The following KCNG2 variants were observed in gnomAD, a reference collection of about 807,000 sequenced individuals.
KCNG2 encodes the protein voltage-gated potassium channel regulatory subunit KCNG2.
In KCNG2, 7 loss-of-function variants were observed where a neutral mutation model predicts 12.3. That is an observed-to-expected ratio of 0.57 (90% CI 0.32 to 1.07). KCNG2 has a LOEUF of 1.07. Ranked by LOEUF, KCNG2 falls within the 50% of genes least tolerant of loss-of-function variation. The pLI is 0.04. For synonymous variants in KCNG2, 414 were observed against 351.4 expected (o/e 1.18, Z -1.99); for missense variants, 703 against 726.0 (o/e 0.97, Z 0.36).
In KCNG2 at chr18:79,872,280, G is replaced by GTTTTTTTTTTT. The variant is rs1162742507; in HGVS notation, c.624+8002_624+8012dup. 1.1e-3 allele frequency among the ~76,000 whole-genome samples: 82 copies of GTTTTTTTTTTT among 73,414 alleles called. 4 individuals carry two copies. The highest frequency in any genetic ancestry group is 1.2e-3 in the Non-Finnish European group (51 of 42,362). The allele number at this position is 73,414 out of a possible 152,430, so 48.2% of individuals were successfully genotyped here. On this transcript the variant is annotated intron_variant, in intron 3 of 3. Transcript: ENST00000316249. ...CTGATATAAAAGCTTCAAAGCTTCA[G>GTTTTTTTTTTT]TTTTTTTTTTTTTTTTTTTTTTTGA...
rs528471563 is a variant in KCNG2, at chr18:79,832,404, T to C, written c.-114-23975T>C. Among the ~76,000 whole-genome samples, 229 of 148,712 alleles carry C rather than the reference T, an allele frequency of 1.5e-3. 1 individual carries two copies. The highest frequency in any genetic ancestry group is 1.6e-3 in the Non-Finnish European group (105 of 67,176). Reference sequence around the variant, plus strand: ...ACCTGCCCATCCTCACCTGCTCTCATCTGTCCATCCTCACCTGCTCTCACC... The same window carrying C: ...ACCTGCCCATCCTCACCTGCTCTCACCTGTCCATCCTCACCTGCTCTCACC... On this transcript the variant is annotated intron_variant, in intron 1 of 3. Coordinates refer to ENST00000316249, the MANE Select transcript of KCNG2 (RefSeq NM_012283.2).
chr18:79,829,190 GTC>G (rs750282494), intron 1 of KCNG2, among the ~76,000 whole-genome samples: 4 of 151,142 alleles, frequency 2.6e-5, no homozygotes, highest in Non-Finnish European at 4.4e-5. Flanking sequence ...GTGTGCATGT[GTC>G]TGTGTGTGGG....
At chr18:79,871,820 G>T (rs981737202) in intron 3 of KCNG2, among the ~76,000 whole-genome samples, 6 of 152,268 alleles carry the variant, frequency 3.9e-5, no homozygotes, top group Non-Finnish European at 8.8e-5. Flanking sequence ...GAGCAAAGCT[G>T]CGGCTGCTCT....
intron 3 of KCNG2, among the ~76,000 whole-genome samples, chr18:79,877,594 G>A (rs913527579): frequency 2.0e-5 from 3 of 151,216 alleles, no homozygotes; most frequent in Admixed American, 1.3e-4. Context: ...CGAGAGTCAC[G>A]GCACTCAGAA....
At chr18:79,847,426 G>A (rs142093408) in intron 1 of KCNG2, among the ~76,000 whole-genome samples, 14 of 152,328 alleles carry the variant, frequency 9.2e-5, no homozygotes, top group African/African-American at 2.6e-4. Context: ...ACTGAGGGTC[G>A]CAGTGGATCC....
At chr18:79,836,671 GC>G (rs955772803) in intron 1 of KCNG2, among the ~76,000 whole-genome samples, 2 of 152,172 alleles carry the variant, frequency 1.3e-5, no homozygotes, top group African/African-American at 4.8e-5. Flanking sequence ...TAAAGGAGAA[GC>G]AAGACCTTCT....
intron 3 of KCNG2, 21 bp from the exon 4 acceptor site, chr18:79,899,019 C>T (rs1303806513): frequency 1.3e-6 from 2 of 1,516,182 alleles, no homozygotes; most frequent in Non-Finnish European, 1.8e-6. Context: ...GCCCCCAACC[C>T]CGTGTCCCCT....
Position 79,899,704 on chromosome 18 carries a change from A to G in KCNG2, c.1289A>G (p.Gln430Arg). The G allele has an allele frequency of 6.2e-7, 1 of 1,606,932 alleles. No individual in the cohort carries two copies. Among genetic ancestry groups the G allele is most frequent in the Non-Finnish European group, 8.5e-7 (1 of 1,177,988 alleles). The change falls in exon 4 of 4, where the codon CAG (glutamine) becomes CGG (arginine). Residue 430 changes from glutamine (Q) to arginine (R), a missense_variant. Coordinates refer to ENST00000316249, the MANE Select transcript of KCNG2 (RefSeq NM_012283.2). ...GCGGCCAGCCCCGAGCCGGCCCTGC[A>G]GGAGGACAGCACGCACTCGGCCACA... ...QRAASPEPALQEDSTHSATAT... is the reference protein window; with the variant it reads ...QRAASPEPALREDSTHSATAT...
chr18:79,812,238 G>A (rs1033977237), intron 1 of KCNG2, among the ~76,000 whole-genome samples: 4 of 152,192 alleles, frequency 2.6e-5, no homozygotes, highest in African/African-American at 9.7e-5. Flanking sequence ...GAATGAAAGT[G>A]AAAATACAGC....
intron 3 of KCNG2, among the ~76,000 whole-genome samples, chr18:79,897,023 A>G (rs571409613): frequency 3.6e-4 from 54 of 151,836 alleles, no homozygotes; most frequent in South Asian, 8.4e-4. Context: ...CTTGTCTTTG[A>G]CCTTCGTTAC....
At chr18:79,835,873 C>A (rs1460777682) in intron 1 of KCNG2, among the ~76,000 whole-genome samples, 1 of 151,900 alleles carries the variant, frequency 6.6e-6, no homozygotes, top group African/African-American at 2.4e-5. Flanking sequence ...TAATGTAATA[C>A]CTAGAACAGA....
At chr18:79,828,157 C>G (rs1978287601) in intron 1 of KCNG2, among the ~76,000 whole-genome samples, 1 of 152,114 alleles carries the variant, frequency 6.6e-6, no homozygotes, top group Admixed American at 6.5e-5. Context: ...ACTCCTGACC[C>G]CAGGTGATCC....
rs778808150 is a variant in KCNG2 at position 79,899,050 on chromosome 18, C to T, written c.635C>T (p.Ser212Phe). Residue 212 changes from serine to phenylalanine, a missense_variant, in exon 4 of 4, where the codon TCC (serine) becomes TTC (phenylalanine). By Grantham distance (155) the Ser-to-Phe change is radical. Transcript: ENST00000316249. Reference sequence around the variant, plus strand: ...CCCCTCTCCCCGCAGGGCGAGTGCTCCCCCAAGTGCCGCAGCCTGTTCGTG... The same window carrying T: ...CCCCTCTCCCCGCAGGGCGAGTGCTTCCCCAAGTGCCGCAGCCTGTTCGTG... ...IRAEEERGECSPKCRSLFVLE... is the reference protein window; with the variant it reads ...IRAEEERGECFPKCRSLFVLE... 3 of 1,565,316 alleles carry T rather than the reference C, an allele frequency of 1.9e-6. No homozygotes were observed. The highest frequency in any genetic ancestry group is 2.3e-5 in the South Asian group (2 of 85,774).
At chr18:79,858,806 C>T (rs760853679) in intron 2 of KCNG2, among the ~76,000 whole-genome samples, 2 of 152,034 alleles carry the variant, frequency 1.3e-5, no homozygotes, top group Non-Finnish European at 2.9e-5. Flanking sequence ...TTTTAATTTA[C>T]GTTTCCATAA....
At chr18:79,876,726 T>C (rs895664652) in intron 3 of KCNG2, among the ~76,000 whole-genome samples, 1 of 152,254 alleles carries the variant, frequency 6.6e-6, no homozygotes, top group African/African-American at 2.4e-5. Flanking sequence ...CACTTGCACC[T>C]GCAGACCGCC....
chr18:79,873,697 G>A (rs946652999), intron 3 of KCNG2, among the ~76,000 whole-genome samples: 9 of 152,306 alleles, frequency 5.9e-5, no homozygotes, highest in Middle Eastern at 3.4e-3. Context: ...TGAACTTTGC[G>A]ATTTGGAAAG....
chr18:79,824,219 G>A (rs1009128322), intron 1 of KCNG2, among the ~76,000 whole-genome samples: 2 of 152,200 alleles, frequency 1.3e-5, no homozygotes, highest in African/African-American at 4.8e-5. Context: ...AACTGATCTT[G>A]AACTCCTGGA....
chr18:79,828,616 G>C (rs1452111622), intron 1 of KCNG2, among the ~76,000 whole-genome samples: 1 of 151,514 alleles, frequency 6.6e-6, no homozygotes, highest in Non-Finnish European at 1.5e-5. Flanking sequence ...TGTGTAACGT[G>C]TCTATGATGT....
intron 1 of KCNG2, among the ~76,000 whole-genome samples, chr18:79,846,834 C>T (rs966840509): frequency 2.6e-5 from 4 of 152,108 alleles, no homozygotes; most frequent in Non-Finnish European, 5.9e-5. Flanking sequence ...GTGTCACCGC[C>T]GAGGTTAACA....
Sources: allele counts gnomAD v4.1 joint callset (sites outside exome capture counted in the v4.1 genomes callset), GRCh38; gene constraint gnomAD v4.1.1; transcripts MANE v1.5; gene names NCBI Gene and HGNC (gene_info 2026-07-23, HGNC 2026-07-21).